Variants in CMTM4 observed in about 807,000 individuals in gnomAD.
CMTM4 encodes the protein CKLF-like MARVEL transmembrane domain-containing protein 4.
Under a neutral mutation model 19.0 loss-of-function variants are expected in CMTM4, and 8 were observed. That is an observed-to-expected ratio of 0.42 (90% CI 0.25 to 0.76). The LOEUF is 0.76. Ranked by LOEUF, CMTM4 falls within the 30% of genes least tolerant of loss-of-function variation. CMTM4 has a pLI of 0.27. For synonymous variants in CMTM4, 106 were observed against 121.1 expected, an observed-to-expected ratio of 0.88 and a Z score of 0.82; for missense variants, 228 against 290.2, an observed-to-expected ratio of 0.79 and a Z score of 1.56.
At chr16:66,694,860 A>T (rs1655383421) in intron 1 of CMTM4, among the ~76,000 whole-genome samples, 1 of 152,192 alleles carries the variant, frequency 6.6e-6, no homozygotes, top group Admixed American at 6.6e-5. Flanking sequence ...TTCTGAAGAC[A>T]GATTATCTGA....
intron 1 of CMTM4, among the ~76,000 whole-genome samples, chr16:66,686,859 T>C (rs1316077832): frequency 7.3e-6 from 1 of 136,746 alleles, no homozygotes; most frequent in Non-Finnish European, 1.5e-5. Flanking sequence ...GCTACACTCA[T>C]GAGGACATTT....
At chr16:66,612,251 C>T (rs901562641), downstream of CMTM4, among the ~76,000 whole-genome samples, 1 of 152,114 alleles carries the variant, frequency 6.6e-6, no homozygotes, top group South Asian at 2.1e-4. The surrounding 1 kb of genome is among the most constrained non-coding windows in gnomAD (Gnocchi z 6.0). Flanking sequence ...ACTAAAAGTA[C>T]AAAAATTAGC....
At chr16:66,682,637 G>A (rs1391725866) in intron 1 of CMTM4, among the ~76,000 whole-genome samples, 1 of 152,078 alleles carries the variant, frequency 6.6e-6, no homozygotes, top group Non-Finnish European at 1.5e-5. Flanking sequence ...TGGCTTAACA[G>A]TATTTCCCAT....
chr16:66,602,016 A>C, the CMTM4 span, among the ~76,000 whole-genome samples: 85 of 152,338 alleles, frequency 5.6e-4, no homozygotes, highest in African/African-American at 2.0e-3. Context: ...CAGCTGGGTG[A>C]TGATAGCAGC....
intron 1 of CMTM4, among the ~76,000 whole-genome samples, chr16:66,683,197 A>ACG (rs2016969247): frequency 1.6e-5 from 2 of 122,376 alleles, no homozygotes; most frequent in African/African-American, 3.0e-5. Flanking sequence ...ATATATACAT[A>ACG]TATATATATA....
intron 2 of CMTM4, 106 bp downstream of exon 2, chr16:66,636,299 G>T: frequency 2.5e-6 from 2 of 813,092 alleles, no homozygotes; most frequent in Middle Eastern, 3.6e-4. Flanking sequence ...AATATTTAAG[G>T]ATCAAAATGA....
At chr16:66,645,871 C>T (rs530200573) in intron 1 of CMTM4, among the ~76,000 whole-genome samples, 161 of 151,760 alleles carry the variant, frequency 1.1e-3, no homozygotes, top group African/African-American at 3.7e-3. Flanking sequence ...CACAGCTACT[C>T]GGGAGGCTGA....
At chr16:66,627,106 A>T (rs2015757345) in intron 2 of CMTM4, among the ~76,000 whole-genome samples, 1 of 152,220 alleles carries the variant, frequency 6.6e-6, no homozygotes, top group Admixed American at 6.5e-5. Context: ...CTGTCTCAAA[A>T]AAATAAATAA....
chr16:66,602,611 A>G, the CMTM4 span, among the ~76,000 whole-genome samples: 4 of 151,848 alleles, frequency 2.6e-5, no homozygotes, highest in African/African-American at 7.3e-5. Context: ...CAGTGGTGCG[A>G]TCTCAGCTCA....
the CMTM4 span, chr16:66,604,417 C>T: frequency 2.4e-5 from 4 of 165,802 alleles, no homozygotes; most frequent in African/African-American, 9.5e-5. Flanking sequence ...CCCAGACACG[C>T]GCACGGGCAG....
At chr16:66,670,016 T>C (rs1317460258) in intron 1 of CMTM4, among the ~76,000 whole-genome samples, 2 of 152,090 alleles carry the variant, frequency 1.3e-5, no homozygotes, top group Admixed American at 1.3e-4. Flanking sequence ...ACAAAAATAA[T>C]GTAAAGAAGG....
intron 1 of CMTM4, among the ~76,000 whole-genome samples, chr16:66,636,983 T>C (rs1295464779): frequency 6.6e-6 from 1 of 152,152 alleles, no homozygotes; most frequent in Non-Finnish European, 1.5e-5. Context: ...ACCACAATTA[T>C]CCCAAACACT....
chr16:66,683,129 G>A lies in CMTM4; in HGVS notation c.186+13211C>T, dbSNP rs865828573. ...TCTAGTTGTGTGTGTGTGTGTGTGTGTATATATATATATATATGTATATAT... is the reference window on the plus strand; with the variant it reads ...TCTAGTTGTGTGTGTGTGTGTGTGTATATATATATATATATATGTATATAT... On this transcript the variant is annotated intron_variant, in intron 1 of 3. Transcript: ENST00000394106. Among the ~76,000 whole-genome samples, 109 of 115,912 alleles carry A rather than the reference G, an allele frequency of 9.4e-4. 1 individual carries two copies. Among genetic ancestry groups the A allele is most frequent in the South Asian group, 3.9e-3 (13 of 3,296 alleles). 76.0% of individuals were successfully genotyped at this position (115,912 alleles called of 152,430 possible).
chr16:66,643,070 GCCA>G (rs1482474323), intron 1 of CMTM4, among the ~76,000 whole-genome samples: 2 of 152,104 alleles, frequency 1.3e-5, no homozygotes, highest in African/African-American at 4.8e-5. Context: ...ACAGGCACCT[GCCA>G]CCAAGGCCGG....
chr16:66,670,808 A>G (rs2016691281), intron 1 of CMTM4, among the ~76,000 whole-genome samples: 1 of 152,114 alleles, frequency 6.6e-6, no homozygotes, highest in Non-Finnish European at 1.5e-5. Flanking sequence ...AAAAAAAAAA[A>G]AAGTAATAAT....
intron 1 of CMTM4, among the ~76,000 whole-genome samples, chr16:66,688,125 G>T (rs2017069685): frequency 6.6e-6 from 1 of 152,110 alleles, no homozygotes; most frequent in East Asian, 1.9e-4. Context: ...GTCCTCACAT[G>T]GCAGAATGAG....
chr16:66,625,422 G>A (rs1402117741), intron 2 of CMTM4, among the ~76,000 whole-genome samples: 5 of 140,710 alleles, frequency 3.6e-5, no homozygotes, highest in South Asian at 2.2e-4. Flanking sequence ...CAACAAGAGC[G>A]AAACTCTGTC....
Position 66,640,766 on chromosome 16 carries a change from T to G in CMTM4, c.187-4185A>C, listed in dbSNP as rs141854111. 3.5e-3 allele frequency among the ~76,000 whole-genome samples: 535 copies of G among 152,278 alleles called. 2 individuals carry two copies. Among genetic ancestry groups the G allele is most frequent in the South Asian group, 0.033 (158 of 4,828 alleles). The stretch of plus-strand genomic sequence containing the variant: ...CAGAAAAGTTAGCATGGTTCCTGCC[T>G]TGCTCTCTCTTAGACCACTCATGAT... On this transcript the variant is annotated intron_variant, in intron 1 of 3. Transcript: ENST00000394106.
intron 2 of CMTM4, among the ~76,000 whole-genome samples, chr16:66,632,201 T>C (rs925697890): frequency 6.6e-6 from 1 of 152,114 alleles, no homozygotes; most frequent in Non-Finnish European, 1.5e-5. Context: ...GAGTGCCCCA[T>C]AGCAGACACC....
Sources: gnomAD v4.1 joint callset for allele counts (sites outside exome capture counted in the v4.1 genomes callset) on GRCh38, gnomAD v4.1.1 for gene constraint, Gnocchi (gnomAD v3.1) non-coding constraint, MANE v1.5 for transcripts, NCBI Gene and HGNC (gene_info 2026-07-23, HGNC 2026-07-21) for gene names.